The following MGAM2 variants were observed in gnomAD, a reference collection of about 807,000 sequenced individuals.
MGAM2 encodes maltase-glucoamylase 2 (putative), also known as probable maltase-glucoamylase 2.
Under a neutral mutation model 96.1 loss-of-function variants are expected in MGAM2, and 98 were observed. That is an observed-to-expected ratio of 1.02 (90% CI 0.87 to 1.21). The LOEUF (loss-of-function observed/expected upper bound fraction) is 1.21. Ranked by LOEUF, MGAM2 falls within the 50% of genes most tolerant of loss-of-function variation. The pLI, the probability that MGAM2 is intolerant of heterozygous loss-of-function variation, is 0.00. For synonymous variants in MGAM2, 749 were observed against 414.8 expected (o/e 1.81, Z -9.79); for missense variants, 2,055 against 1,182.4 (o/e 1.74, Z -10.82).
In MGAM2 at chr7:142,161,110, A is replaced by G. The variant is rs1795875247; in HGVS notation, c.2346-15A>G. 1.4e-6 allele frequency: 1 copy of G among 702,136 alleles called. No homozygotes were observed. Among genetic ancestry groups the G allele is most frequent in the East Asian group, 2.7e-5 (1 of 37,258 alleles). 43.5% of individuals were successfully genotyped at this position (702,136 alleles called of 1,614,324 possible). ...TCATCTACATTCTCTGAAACTGGGA[A>G]GTACTCTTTTACAGCCGGAGGAATT... On this transcript the variant is annotated splice_polypyrimidine_tract_variant and intron_variant, in intron 21 of 47. Transcript: ENST00000477922.
At chr7:142,114,782 G>A (rs1446451120) in intron 1 of MGAM2, among the ~76,000 whole-genome samples, 1 of 152,182 alleles carries the variant, frequency 6.6e-6, no homozygotes, top group African/African-American at 2.4e-5. Flanking sequence ...AATAACCTTT[G>A]TGGAAACGCT....
chr7:142,127,332 C>A (rs1794758118), intron 3 of MGAM2, among the ~76,000 whole-genome samples: 1 of 152,028 alleles, frequency 6.6e-6, no homozygotes, highest in African/African-American at 2.4e-5. Context: ...TCAGTCACTT[C>A]ATCTACTCTT....
In MGAM2 at chr7:142,160,160, G is replaced by C. The variant is rs1795847091; in HGVS notation, c.2247G>C (p.Gln749His). 1.4e-6 allele frequency: 1 copy of C among 702,538 alleles called. No homozygotes were observed. The highest frequency in any genetic ancestry group is 2.0e-5 in the Admixed American group (1 of 49,954). The allele number at this position is 702,538 out of a possible 1,614,324, so 43.5% of individuals were successfully genotyped here. A position where few individuals can be genotyped will look rare whatever the true frequency, so the allele number is the denominator to read the frequency against. Residue 749 changes from glutamine (Q) to histidine (H), a missense_variant, in exon 21 of 48, where the codon CAG (glutamine) becomes CAC (histidine). Physicochemically the swap from Gln to His is conservative, Grantham distance 24 (BLOSUM62 0). Coordinates refer to ENST00000477922, the MANE Select transcript of MGAM2 (RefSeq NM_001293626.2). ...GAGTGGCCATCTCATGGAGGAAACA[G>C]TTGGTGAATATGCTTCTCCCAGGTG... ...ETGVAISWRK[Q>H]LVNMLLPGDK...
rs754561959 is a variant in MGAM2, at chr7:142,161,027, G to T, written c.2346-98G>T. 144 of 626,648 alleles carry T rather than the reference G, an allele frequency of 2.3e-4. 1 individual carries two copies. The highest frequency in any genetic ancestry group is 3.1e-4 in the Non-Finnish European group (106 of 343,490). 38.8% of individuals were successfully genotyped at this position (626,648 alleles called of 1,614,324 possible). A position where few individuals can be genotyped will look rare whatever the true frequency, so the allele number is the denominator to read the frequency against. ...CAACATCTACTCAGTTTCTGGTATA[G>T]ACTCTTGGATTATCTGTCCCTGGGG... On this transcript the variant is annotated intron_variant, in intron 21 of 47. Coordinates refer to ENST00000477922, the MANE Select transcript of MGAM2 (RefSeq NM_001293626.2).
chr7:142,152,673 A>G (rs1025408211), intron 15 of MGAM2, among the ~76,000 whole-genome samples: 1 of 152,210 alleles, frequency 6.6e-6, no homozygotes, highest in African/African-American at 2.4e-5. Flanking sequence ...GTCTCAGACC[A>G]TGTATTAGAA....
At chr7:142,216,606 TC>T (rs993420875) in intron 46 of MGAM2, among the ~76,000 whole-genome samples, 1 of 152,182 alleles carries the variant, frequency 6.6e-6, no homozygotes, top group African/African-American at 2.4e-5. Context: ...GTGTAGCTTC[TC>T]CCACCATCTT....
rs1272319815 is a variant in MGAM2 at position 142,220,553 on chromosome 7, T to A, written c.6042T>A (p.Asn2014Lys). Residue 2014 changes from asparagine (N) to lysine (K), a missense_variant, in exon 48 of 48, where the codon AAT becomes AAA. Transcript: ENST00000477922. Reference protein sequence around the residue: ...FPTSTTSASTNATPVPITTTL... With the variant: ...FPTSTTSASTKATPVPITTTL... ...CAAGTACTACTAGTGCTAGCACTAA[T>A]GCTACCCCTGTTCCTATCACAACCA... 1 of 698,544 alleles carries A rather than the reference T, an allele frequency of 1.4e-6. No individual in the cohort carries two copies. Among genetic ancestry groups the A allele is most frequent in the Non-Finnish European group, 2.6e-6 (1 of 384,606 alleles). 43.3% of individuals were successfully genotyped at this position (698,544 alleles called of 1,614,324 possible). A position where few individuals can be genotyped will look rare whatever the true frequency, so the allele number is the denominator to read the frequency against.
intron 15 of MGAM2, among the ~76,000 whole-genome samples, chr7:142,149,517 A>T (rs552244395): frequency 6.6e-6 from 1 of 152,096 alleles, no homozygotes; most frequent in Non-Finnish European, 1.5e-5. Flanking sequence ...TATCCAAAAC[A>T]ATCTTCTGAC....
chr7:142,131,212 G>A, intron 4 of MGAM2, 141 bp downstream of exon 4: 1 of 616,440 alleles, frequency 1.6e-6, no homozygotes, highest in Non-Finnish European at 2.9e-6. Context: ...GGCTGACGTG[G>A]GTGGATCATG....
chr7:142,208,352 T>A (rs1797473087), intron 45 of MGAM2: 1 of 645,342 alleles, frequency 1.5e-6, no homozygotes, highest in African/African-American at 1.8e-5. Context: ...ATTTGTAACC[T>A]TCTGACCTCC....
chr7:142,143,844 A>G lies in MGAM2; in HGVS notation c.1393A>G (p.Lys465Glu), dbSNP rs1441529811. 1 of 702,870 alleles carries G rather than the reference A, an allele frequency of 1.4e-6. No individual in the cohort carries two copies. Among genetic ancestry groups the G allele is most frequent in the South Asian group, 1.5e-5 (1 of 67,574 alleles). The allele number at this position is 702,870 out of a possible 1,614,324, so 43.5% of individuals were successfully genotyped here. Residue 465 changes from lysine to glutamate, a missense_variant, in exon 13 of 48, where the codon AAA becomes GAA. Coordinates refer to ENST00000477922, the MANE Select transcript of MGAM2 (RefSeq NM_001293626.2). ...TGAGTGGTGGACAGATCAGGTCGCT[A>G]AATTTCATGATCATCTGGAGTTTGA... is the stretch of plus-strand genomic sequence containing the variant. ...CTEWWTDQVA[K>E]FHDHLEFDGV...
chr7:142,189,954 G>A lies in MGAM2; in HGVS notation c.4346+449G>A, dbSNP rs1414448991. Among the ~76,000 whole-genome samples, 5 of 152,050 alleles carry A rather than the reference G, an allele frequency of 3.3e-5. 1 individual carries two copies. Among genetic ancestry groups the A allele is most frequent in the African/African-American group, 4.8e-5 (2 of 41,386 alleles). On this transcript the variant is annotated intron_variant, in intron 37 of 47. Transcript: ENST00000477922. The stretch of plus-strand genomic sequence containing the variant: ...TATGGGTACTTTCACTTGGCATAAT[G>A]TTTTCAATGATTATCTATGTTGTAG...
intron 14 of MGAM2, 62 bp downstream of exon 14, chr7:142,145,007 TACTC>T: frequency 1.4e-6 from 1 of 694,570 alleles, no homozygotes; most frequent in Non-Finnish European, 2.6e-6. Flanking sequence ...CCCTCAGTAA[TACTC>T]AGTGTGGTCG....
At chr7:142,143,704 C>A in intron 12 of MGAM2, 65 bp from the exon 13 acceptor site, 1 of 485,942 alleles carries the variant, frequency 2.1e-6, no homozygotes, top group South Asian at 4.2e-5. Context: ...TAGAAGAAAT[C>A]ACTGTCGGTC....
chr7:142,178,445 G>A (rs917791333), intron 32 of MGAM2, among the ~76,000 whole-genome samples: 1 of 152,068 alleles, frequency 6.6e-6, no homozygotes, highest in African/African-American at 2.4e-5. Context: ...CCAATGTCAA[G>A]AACATTTCCT....
intron 3 of MGAM2, among the ~76,000 whole-genome samples, chr7:142,124,986 T>C (rs1217229138): frequency 6.6e-6 from 1 of 152,106 alleles, no homozygotes; most frequent in Non-Finnish European, 1.5e-5. Context: ...ATAATAACAG[T>C]TGGAAGTTTT....
At chr7:142,186,182 T>C (rs896866785) in intron 35 of MGAM2, 59 bp downstream of exon 35, 7 of 683,398 alleles carry the variant, frequency 1.0e-5, no homozygotes, top group Non-Finnish European at 1.9e-5. Flanking sequence ...AGTCAAAACA[T>C]GGGGAGGAGA....
Position 142,222,178 on chromosome 7 carries a change from T to C in MGAM2, c.*119T>C. The C allele has an allele frequency of 2.5e-6, 1 of 395,932 alleles. No homozygotes were observed. Among genetic ancestry groups the C allele is most frequent in the South Asian group, 1.4e-4 (1 of 7,020 alleles). The allele number at this position is 395,932 out of a possible 1,614,324, so 24.5% of individuals were successfully genotyped here. On this transcript the variant is annotated 3_prime_UTR_variant, in exon 48 of 48. Coordinates refer to ENST00000477922, the MANE Select transcript of MGAM2 (RefSeq NM_001293626.2). Reference sequence around the variant, plus strand: ...ATGCTACTTAAGTTTTCACGGATATTAGTACTCTAGCCATAAAAGACACAG... The same window carrying C: ...ATGCTACTTAAGTTTTCACGGATATCAGTACTCTAGCCATAAAAGACACAG...
chr7:142,115,481 G>C (rs957451801), intron 1 of MGAM2, among the ~76,000 whole-genome samples: 2 of 152,230 alleles, frequency 1.3e-5, no homozygotes, highest in African/African-American at 2.4e-5. Flanking sequence ...TAACAGCTAG[G>C]AAGGGCTAAG....
Sources: gnomAD v4.1 joint callset for allele counts (sites outside exome capture counted in the v4.1 genomes callset) on GRCh38, gnomAD v4.1.1 for gene constraint, MANE v1.5 for transcripts, NCBI Gene and HGNC (gene_info 2026-07-23, HGNC 2026-07-21) for gene names.